The following IST1 variants were observed in gnomAD, a reference collection of about 807,000 sequenced individuals.
The protein encoded by IST1 is IST1 homolog.
A neutral mutation model predicts 37.0 loss-of-function variants in IST1; 23 were observed. The ratio of observed to expected loss-of-function variants is 0.62; its 90% CI spans 0.45 to 0.88. IST1 has a LOEUF of 0.88. Among genes scored for constraint, IST1 ranks in the 40% least tolerant of loss-of-function variants. The pLI, the probability that IST1 is intolerant of heterozygous loss-of-function variation, is 0.00. For missense variants in IST1, 488 were observed against 445.4 expected (o/e 1.10, Z -0.86); for synonymous variants, 180 against 161.7 (o/e 1.11, Z -0.86).
chr16:71,915,559 C>T, intron 1 of IST1, 67 bp from the exon 2 acceptor site: 1 of 1,023,746 alleles, frequency 9.8e-7, no homozygotes, highest in Non-Finnish European at 1.5e-6. Flanking sequence ...TAATTCACCC[C>T]TAAGAGGTGT....
At chr16:71,898,913 C>T (rs546897726) in intron 1 of IST1, among the ~76,000 whole-genome samples, 19 of 150,038 alleles carry the variant, frequency 1.3e-4, no homozygotes, top group African/African-American at 4.2e-4. Flanking sequence ...TGCAGTGAGC[C>T]GAGATGGCAC....
Position 71,927,860 on chromosome 16 carries a change from C to A in IST1, c.*47C>A. 7.8e-7 allele frequency: 1 copy of A among 1,283,504 alleles called. No homozygotes were observed. Among genetic ancestry groups the A allele is most frequent in the Non-Finnish European group, 1.1e-6 (1 of 887,628 alleles). 79.5% of individuals were successfully genotyped at this position (1,283,504 alleles called of 1,614,324 possible). A position where few individuals can be genotyped will look rare whatever the true frequency, so the allele number is the denominator to read the frequency against. Reference sequence around the variant, plus strand: ...TCACGTTTTGGGAGTTGAGACTGAGCAATTTCTCCTTGTAACAAAGAATCT... The same window carrying A: ...TCACGTTTTGGGAGTTGAGACTGAGAAATTTCTCCTTGTAACAAAGAATCT... On this transcript the variant is annotated 3_prime_UTR_variant, in exon 10 of 10. Transcript: ENST00000378799.
Position 71,929,468 on chromosome 16 carries a change from T to A in IST1, c.*1655T>A. On this transcript the variant is annotated 3_prime_UTR_variant, in exon 10 of 10. Coordinates refer to ENST00000378799, the MANE Select transcript of IST1 (RefSeq NM_001270975.2). ...TTAAAAACAAAGTATATTATAATTT[T>A]AAAGCTATGCCATGCAAAGATAAGT... 7.2e-7 allele frequency: 1 copy of A among 1,382,698 alleles called. No homozygotes were observed. Among genetic ancestry groups the A allele is most frequent in the Non-Finnish European group, 9.7e-7 (1 of 1,036,126 alleles). 85.7% of individuals were successfully genotyped at this position (1,382,698 alleles called of 1,614,324 possible). A position where few individuals can be genotyped will look rare whatever the true frequency, so the allele number is the denominator to read the frequency against.
chr16:71,930,037 C>A lies in IST1; in HGVS notation c.*2224C>A. ...GTGATATAACAGCATGCTAGTTTAT[C>A]TTTTAGTTACCTACCTTAAGCGACT... On this transcript the variant is annotated 3_prime_UTR_variant, in exon 10 of 10. Transcript: ENST00000378799. 1 of 1,544,066 alleles carries A rather than the reference C, an allele frequency of 6.5e-7. No individual in the cohort carries two copies. Among genetic ancestry groups the A allele is most frequent in the Non-Finnish European group, 8.7e-7 (1 of 1,144,216 alleles).
intron 1 of IST1, among the ~76,000 whole-genome samples, chr16:71,911,351 C>G (rs1597243552): frequency 1.8e-5 from 1 of 56,484 alleles, no homozygotes; most frequent in South Asian, 8.1e-4. Flanking sequence ...GCTACGTTAC[C>G]TTTTTTTAAA....
In IST1 at chr16:71,929,019, A is replaced by G. The variant is rs1483552099; in HGVS notation, c.*1206A>G. 6.5e-6 allele frequency: 1 copy of G among 152,922 alleles called. No individual in the cohort carries two copies. The highest frequency in any genetic ancestry group is 2.4e-5 in the African/African-American group (1 of 41,430). 9.5% of individuals were successfully genotyped at this position (152,922 alleles called of 1,614,324 possible). ...AAAGATCCTGTGTCCTGCTTTCTCT[A>G]CTGTTTGGTCAGATGATGAAGTATA... On this transcript the variant is annotated 3_prime_UTR_variant, in exon 10 of 10. Coordinates refer to ENST00000378799, the MANE Select transcript of IST1 (RefSeq NM_001270975.2).
At chr16:71,923,621 G>A (rs1192711010) in intron 8 of IST1, 2 of 357,952 alleles carry the variant, frequency 5.6e-6, no homozygotes, top group African/African-American at 4.3e-5. Flanking sequence ...AGGAACTGCA[G>A]ATTTCTTAGA....
chr16:71,927,187 G>A (rs1251409722), intron 9 of IST1, among the ~76,000 whole-genome samples: 1 of 152,176 alleles, frequency 6.6e-6, no homozygotes, highest in Non-Finnish European at 1.5e-5. Context: ...TCATTCAAAT[G>A]TTTATTAGCC....
intron 9 of IST1, among the ~76,000 whole-genome samples, chr16:71,926,826 C>G (rs2037755949): frequency 6.6e-6 from 1 of 151,984 alleles, no homozygotes; most frequent in Admixed American, 6.6e-5. Flanking sequence ...AGGAAACATA[C>G]AGTAGATGTG....
At chr16:71,896,844 G>A (rs1356184313) in intron 1 of IST1, among the ~76,000 whole-genome samples, 1 of 152,052 alleles carries the variant, frequency 6.6e-6, no homozygotes, top group Non-Finnish European at 1.5e-5. Flanking sequence ...AGGCGTGGAG[G>A]CCCGCATCTA....
rs1567473697 is a variant in IST1 at position 71,923,367 on chromosome 16, C to T, written c.839C>T (p.Pro280Leu). 1 of 1,604,938 alleles carries T rather than the reference C, an allele frequency of 6.2e-7. No homozygotes were observed. Among genetic ancestry groups the T allele is most frequent in the South Asian group, 1.1e-5 (1 of 90,888 alleles). ...CCACCTCAGATACCAGCAACTCCCC[C>T]ATCGTATGAATCTGTAAGTGCCTGA... is the stretch of plus-strand genomic sequence containing the variant. ...IHPPQIPATP[P>L]SYESVDDINA... The change falls in exon 8 of 10, where the codon CCA (proline) becomes CTA (leucine). Residue 280 changes from proline (P) to leucine (L), a missense_variant. Transcript: ENST00000378799.
Position 71,924,040 on chromosome 16 carries a change from T to G in IST1, c.852+660T>G, listed in dbSNP as rs8056992. 4.6e-3 allele frequency: 2,030 copies of G among 445,980 alleles called. 38 individuals are homozygous for G. Among genetic ancestry groups the G allele is most frequent in the African/African-American group, 0.037 (1,815 of 49,412 alleles). 27.6% of individuals were successfully genotyped at this position (445,980 alleles called of 1,614,324 possible). On this transcript the variant is annotated intron_variant, in intron 8 of 9. Transcript: ENST00000378799. ...TGTAAATTACTCATCTAGGAAGATC[T>G]TCCTGTTCCTGAGCTTGCTTTCTGT...
At chr16:71,915,821 G>GAT (rs1157849152) in intron 2 of IST1, 93 bp downstream of exon 2, 6 of 752,476 alleles carry the variant, frequency 8.0e-6, no homozygotes, top group Non-Finnish European at 1.3e-5. Flanking sequence ...AAGTCTTAGG[G>GAT]ATCATATTTT....
At chr16:71,905,551 T>C (rs2037204921) in intron 1 of IST1, among the ~76,000 whole-genome samples, 1 of 151,946 alleles carries the variant, frequency 6.6e-6, no homozygotes, top group South Asian at 2.1e-4. Context: ...GCTACTTTTT[T>C]GTATTTTTAG....
At chr16:71,911,938 A>C (rs966283900) in intron 1 of IST1, among the ~76,000 whole-genome samples, 4 of 151,256 alleles carry the variant, frequency 2.6e-5, no homozygotes, top group African/African-American at 9.7e-5. Context: ...GGCTGGTCTC[A>C]CTCCTGAGCT....
chr16:71,920,670 C>G, intron 4 of IST1, 69 bp from the exon 5 acceptor site: 5 of 1,116,674 alleles, frequency 4.5e-6, no homozygotes, highest in Non-Finnish European at 6.8e-6. Context: ...TTTACTGTTG[C>G]CAGGAAGAAG....
intron 1 of IST1, among the ~76,000 whole-genome samples, chr16:71,907,077 A>C (rs2037240070): frequency 6.6e-6 from 1 of 152,088 alleles, no homozygotes; most frequent in Non-Finnish European, 1.5e-5. Context: ...ATGAGTCTGG[A>C]CATGAATTTC....
intron 9 of IST1, among the ~76,000 whole-genome samples, chr16:71,927,182 C>G (rs1319299430): frequency 6.6e-6 from 1 of 152,116 alleles, no homozygotes; most frequent in Non-Finnish European, 1.5e-5. Flanking sequence ...AACTGTCATT[C>G]AAATGTTTAT....
At chr16:71,925,706 C>T (rs1266721152) in intron 9 of IST1, among the ~76,000 whole-genome samples, 2 of 151,938 alleles carry the variant, frequency 1.3e-5, no homozygotes, top group African/African-American at 2.4e-5. Flanking sequence ...ATTTGTAATC[C>T]AAGCACTTTG....
Sources: gnomAD v4.1 joint callset for allele counts (sites outside exome capture counted in the v4.1 genomes callset) on GRCh38, gnomAD v4.1.1 for gene constraint, MANE v1.5 for transcripts, NCBI Gene and HGNC (gene_info 2026-07-23, HGNC 2026-07-21) for gene names.